The following ENTHD1 variants were observed in gnomAD, a reference collection of about 807,000 sequenced individuals.
ENTHD1 encodes the protein ENTH domain-containing protein 1.
ENTHD1 carries 23 observed loss-of-function variants against 39.1 expected under a neutral mutation model. The observed-to-expected ratio is 0.59, with a 90% CI of 0.42 to 0.83. ENTHD1 has a LOEUF of 0.83. Among genes scored for constraint, ENTHD1 ranks in the 40% least tolerant of loss-of-function variants. ENTHD1 has a pLI of 0.00. For missense variants in ENTHD1, 624 were observed against 705.4 expected (o/e 0.88, Z 1.31); for synonymous variants, 230 against 258.2 (o/e 0.89, Z 1.05).
At chr22:39,765,073 G>T in intron 6 of ENTHD1, 150 bp downstream of exon 6, 1 of 1,300,174 alleles carries the variant, frequency 7.7e-7, no homozygotes, top group Non-Finnish European at 1.0e-6. Flanking sequence ...TATGTGTATG[G>T]CATGTACATT....
chr22:39,820,136 T>C (rs1389993061), intron 5 of ENTHD1, among the ~76,000 whole-genome samples: 1 of 152,178 alleles, frequency 6.6e-6, no homozygotes, highest in Non-Finnish European at 1.5e-5. Flanking sequence ...AAGAAAACTC[T>C]ATAAATATGA....
chr22:39,830,345 A>T (rs2065859519), intron 4 of ENTHD1, among the ~76,000 whole-genome samples: 1 of 152,084 alleles, frequency 6.6e-6, no homozygotes, highest in South Asian at 2.1e-4. Flanking sequence ...AAAATGCTGG[A>T]ATTACAGGTG....
At chr22:39,754,453 C>T (rs966504253) in intron 6 of ENTHD1, among the ~76,000 whole-genome samples, 37 of 152,348 alleles carry the variant, frequency 2.4e-4, no homozygotes, top group Non-Finnish European at 3.5e-4. Flanking sequence ...GCGTTCTCTT[C>T]ATGGTCCCTA....
chr22:39,838,970 T>C (rs2065925249), intron 3 of ENTHD1, among the ~76,000 whole-genome samples: 1 of 152,128 alleles, frequency 6.6e-6, no homozygotes, highest in Non-Finnish European at 1.5e-5. Context: ...CAGTTATCAA[T>C]CACAATGGTA....
At position 39,748,599 on chromosome 22, in the gene ENTHD1, G is replaced by A. The variant is rs112387956; in HGVS notation, c.1220-4316C>T. Among the ~76,000 whole-genome samples, 62 of 151,090 alleles carry A rather than the reference G, an allele frequency of 4.1e-4. 1 individual carries two copies. Among genetic ancestry groups the A allele is most frequent in the African/African-American group, 1.4e-3 (56 of 41,190 alleles). On this transcript the variant is annotated intron_variant, in intron 6 of 6. Coordinates refer to ENST00000325157, the MANE Select transcript of ENTHD1 (RefSeq NM_152512.4). ...CCACGCCCGGCTATTTTTTTTTTGT[G>A]TTTTTAGTAGAGACGGGGTTTCACT...
intron 6 of ENTHD1, among the ~76,000 whole-genome samples, chr22:39,747,533 TTA>T (rs1465819164): frequency 2.0e-5 from 3 of 152,124 alleles, no homozygotes; most frequent in Admixed American, 6.5e-5. Context: ...TATTATAGAA[TTA>T]TGTTAAATTT....
chr22:39,808,098 T>C (rs111844598), intron 5 of ENTHD1, among the ~76,000 whole-genome samples: 2 of 152,290 alleles, frequency 1.3e-5, no homozygotes, highest in African/African-American at 4.8e-5. Context: ...ACTTTCTTCA[T>C]CTGTCTCATA....
chr22:39,818,298 C>G (rs1381501517), intron 5 of ENTHD1, among the ~76,000 whole-genome samples: 1 of 152,146 alleles, frequency 6.6e-6, no homozygotes, highest in Non-Finnish European at 1.5e-5. Flanking sequence ...CCTGCCCCAG[C>G]CTTTGTGTTC....
chr22:39,848,099 G>C (rs2066005247), intron 3 of ENTHD1, among the ~76,000 whole-genome samples: 1 of 152,078 alleles, frequency 6.6e-6, no homozygotes, highest in Admixed American at 6.6e-5. Context: ...TGGCAACCAG[G>C]GGCCACTCTC....
chr22:39,757,441 T>A lies in ENTHD1; in HGVS notation c.1219+7782A>T, dbSNP rs112432111. Among the ~76,000 whole-genome samples, 42 of 151,728 alleles carry A rather than the reference T, an allele frequency of 2.8e-4. 1 individual carries two copies. Among genetic ancestry groups the A allele is most frequent in the African/African-American group, 9.4e-4 (39 of 41,396 alleles). On this transcript the variant is annotated intron_variant, in intron 6 of 6. Transcript: ENST00000325157. ...GTGCACCACCATGCCAGGCTAAATT[T>A]AAAAAAAATTAAAAATTTTCGGCCA...
intron 1 of ENTHD1, among the ~76,000 whole-genome samples, chr22:39,890,142 AT>A (rs1262123619): frequency 1.5e-4 from 22 of 149,954 alleles, no homozygotes; most frequent in South Asian, 4.2e-4. Context: ...AAATAAATAA[AT>A]AAATAAAAAA....
At chr22:39,768,561 C>T (rs1389295455) in intron 5 of ENTHD1, among the ~76,000 whole-genome samples, 2 of 152,090 alleles carry the variant, frequency 1.3e-5, no homozygotes, top group South Asian at 2.1e-4. Flanking sequence ...CTTAATCTCT[C>T]CCTTCTCTGA....
At chr22:39,851,003 C>T (rs1219088294) in intron 3 of ENTHD1, among the ~76,000 whole-genome samples, 1 of 152,052 alleles carries the variant, frequency 6.6e-6, no homozygotes, top group Non-Finnish European at 1.5e-5. Flanking sequence ...TTGAAGTATA[C>T]CCTTTAATGC....
At chr22:39,830,510 A>G (rs758150022) in intron 4 of ENTHD1, among the ~76,000 whole-genome samples, 4 of 152,352 alleles carry the variant, frequency 2.6e-5, no homozygotes, top group Non-Finnish European at 5.9e-5. Flanking sequence ...GAAAGGCATC[A>G]GGAACAGAAA....
chr22:39,865,698 T>C (rs1252302652), intron 2 of ENTHD1, among the ~76,000 whole-genome samples: 1 of 152,110 alleles, frequency 6.6e-6, no homozygotes, highest in Admixed American at 6.5e-5. Context: ...CACATCAAGA[T>C]AAAAAGGTTG....
At chr22:39,870,682 C>A (rs1473376194) in intron 2 of ENTHD1, among the ~76,000 whole-genome samples, 1 of 152,188 alleles carries the variant, frequency 6.6e-6, no homozygotes, top group Non-Finnish European at 1.5e-5. Flanking sequence ...GCCCATCAGC[C>A]ATTGTCAGCA....
intron 3 of ENTHD1, among the ~76,000 whole-genome samples, chr22:39,842,276 G>A (rs373944247): frequency 2.2e-4 from 34 of 152,128 alleles, no homozygotes; most frequent in East Asian, 1.9e-3. Context: ...GAATCTGAAC[G>A]TCGGCCTGCC....
intron 5 of ENTHD1, among the ~76,000 whole-genome samples, chr22:39,808,200 A>T (rs535080345): frequency 8.0e-4 from 121 of 152,092 alleles, no homozygotes; most frequent in Middle Eastern, 3.4e-3. Flanking sequence ...ATCATCACCC[A>T]TCCCTCTCAT....
intron 5 of ENTHD1, among the ~76,000 whole-genome samples, chr22:39,815,443 CAA>C (rs767994996): frequency 1.7e-5 from 2 of 120,970 alleles, no homozygotes; most frequent in African/African-American, 3.1e-5. Flanking sequence ...AACTCCGTCT[CAA>C]AAAAAAAAAA....
Sources: gnomAD v4.1 joint callset for allele counts (sites outside exome capture counted in the v4.1 genomes callset) on GRCh38, gnomAD v4.1.1 for gene constraint, MANE v1.5 for transcripts, NCBI Gene and HGNC (gene_info 2026-07-23, HGNC 2026-07-21) for gene names.